The following ZNF618 variants were observed in gnomAD, a reference collection of about 807,000 sequenced individuals.
The protein encoded by ZNF618 is neural precursor cell expressed, developmentally down-regulated 10.
Under a neutral mutation model 103.0 loss-of-function variants are expected in ZNF618, and 34 were observed. The observed-to-expected ratio is 0.33, with a 90% confidence interval of 0.25 to 0.44. ZNF618 has a LOEUF of 0.44. Ranked by LOEUF, ZNF618 falls within the 20% of genes least tolerant of loss-of-function variation. The probability of loss-of-function intolerance (pLI) is 1.00; values close to 1 mark genes in which losing one functional copy is unlikely to be tolerated. For missense variants in ZNF618, 1,059 were observed against 1,295.4 expected, an observed-to-expected ratio of 0.82 and a Z score of 2.80; for synonymous variants, 551 against 542.2, an observed-to-expected ratio of 1.02 and a Z score of -0.23.
chr9:113,922,868 A>G (rs1355377049), intron 1 of ZNF618, among the ~76,000 whole-genome samples: 1 of 152,210 alleles, frequency 6.6e-6, no homozygotes, highest in Non-Finnish European at 1.5e-5. Context: ...TTGGGATTGT[A>G]TCAAATCTTT....
intron 1 of ZNF618, among the ~76,000 whole-genome samples, chr9:113,892,135 C>A (rs748802564): frequency 2.6e-5 from 4 of 152,170 alleles, no homozygotes; most frequent in Non-Finnish European, 4.4e-5. Flanking sequence ...TTGTAGAGAT[C>A]TGTTGCACGA....
intron 10 of ZNF618, among the ~76,000 whole-genome samples, chr9:114,017,295 T>C (rs1842728818): frequency 6.6e-6 from 1 of 152,130 alleles, no homozygotes; most frequent in South Asian, 2.1e-4. Context: ...CCCTGGCTGT[T>C]AATCCCAGCT....
intron 2 of ZNF618, among the ~76,000 whole-genome samples, chr9:113,986,494 C>G (rs1437786733): frequency 6.6e-6 from 1 of 152,170 alleles, no homozygotes; most frequent in Non-Finnish European, 1.5e-5. Context: ...GATTAGGTTG[C>G]CAGCACGGTT....
At chr9:113,994,246 G>T (rs1011752316) in intron 3 of ZNF618, among the ~76,000 whole-genome samples, 2 of 152,246 alleles carry the variant, frequency 1.3e-5, no homozygotes, top group African/African-American at 2.4e-5. Flanking sequence ...ACACAGCCAC[G>T]TGGGTTTCAG....
chr9:113,938,266 T>C (rs1834212504), intron 1 of ZNF618, among the ~76,000 whole-genome samples: 1 of 144,770 alleles, frequency 6.9e-6, no homozygotes, highest in Admixed American at 7.3e-5. Flanking sequence ...ATCAAACTCC[T>C]GGTCTCCAGT....
intron 9 of ZNF618, among the ~76,000 whole-genome samples, chr9:114,010,564 C>T (rs985931111): frequency 2.0e-5 from 3 of 151,184 alleles, no homozygotes; most frequent in Admixed American, 1.3e-4. Flanking sequence ...ATTAGCCGGG[C>T]GTGGTGGCAT....
Position 113,918,913 on chromosome 9 carries a change from A to G in ZNF618, c.33+42500A>G, listed in dbSNP as rs10982005. Among the ~76,000 whole-genome samples the G allele has an allele frequency of 4.5e-3, 690 of 152,300 alleles. 4 individuals carry two copies. Among genetic ancestry groups the G allele is most frequent in the Middle Eastern group, 0.01 (3 of 294 alleles). ...GTCTGGCACGTTGTGGAGTCACAGT[A>G]AATAAATTTGGTGTGAATGAACGAA... is the stretch of plus-strand genomic sequence containing the variant. On this transcript the variant is annotated intron_variant, in intron 1 of 14. Coordinates refer to ENST00000374126, the MANE Select transcript of ZNF618 (RefSeq NM_001318042.2).
chr9:113,936,062 C>T (rs1033917251), intron 1 of ZNF618, among the ~76,000 whole-genome samples: 1 of 152,158 alleles, frequency 6.6e-6, no homozygotes, highest in South Asian at 2.1e-4. Flanking sequence ...TCATGTGATC[C>T]TCCTGCTTCA....
intron 6 of ZNF618, among the ~76,000 whole-genome samples, chr9:114,004,663 G>A (rs1841576832): frequency 6.6e-6 from 1 of 152,060 alleles, no homozygotes; most frequent in Non-Finnish European, 1.5e-5. Flanking sequence ...TCTCAGTCCT[G>A]CAGCCCTGCC....
intron 1 of ZNF618, among the ~76,000 whole-genome samples, chr9:113,935,589 C>G (rs1290635369): frequency 6.6e-6 from 1 of 152,146 alleles, no homozygotes; most frequent in African/African-American, 2.4e-5. Context: ...TGAATTTGTT[C>G]CTCCTGCTGG....
chr9:114,000,936 T>C (rs1841135383), intron 4 of ZNF618, among the ~76,000 whole-genome samples: 1 of 152,206 alleles, frequency 6.6e-6, no homozygotes, highest in East Asian at 1.9e-4. Context: ...GACCTTGGAA[T>C]AGGCAGGTCT....
At chr9:113,967,409 AT>A (rs1837516485) in intron 1 of ZNF618, among the ~76,000 whole-genome samples, 1 of 152,070 alleles carries the variant, frequency 6.6e-6, no homozygotes, top group South Asian at 2.1e-4. Context: ...CAGCTCATTA[AT>A]TTCTTCCTCC....
chr9:114,042,073 A>G (rs925430779), intron 13 of ZNF618, among the ~76,000 whole-genome samples: 1 of 152,174 alleles, frequency 6.6e-6, no homozygotes, highest in African/African-American at 2.4e-5. Context: ...TCCTAGAAAT[A>G]CCAAGGCTAT....
chr9:114,050,444 A>T lies in ZNF618; in HGVS notation c.*277A>T, dbSNP rs183373740. On this transcript the variant is annotated 3_prime_UTR_variant, in exon 15 of 15. Transcript: ENST00000374126. ...GGCCAGAGAAACTTTGCACACACGC[A>T]CACACACACACACACACACACACAC... is the stretch of plus-strand genomic sequence containing the variant. 3.5e-5 allele frequency: 4 copies of T among 114,948 alleles called. No individual in the cohort carries two copies. The highest frequency in any genetic ancestry group is 3.4e-5 in the Non-Finnish European group (2 of 58,370). 7.1% of individuals were successfully genotyped at this position (114,948 alleles called of 1,614,324 possible).
chr9:113,994,948 C>T (rs867249095), intron 3 of ZNF618, among the ~76,000 whole-genome samples: 1 of 150,184 alleles, frequency 6.7e-6, no homozygotes, highest in African/African-American at 2.4e-5. Flanking sequence ...AAAAAGGTGG[C>T]ATTTTGGAAA....
intron 1 of ZNF618, among the ~76,000 whole-genome samples, chr9:113,888,837 A>G (rs950005132): frequency 6.6e-6 from 1 of 152,198 alleles, no homozygotes; most frequent in Non-Finnish European, 1.5e-5. Flanking sequence ...AGTTAATCAG[A>G]GAATCAGAGG....
Position 113,910,949 on chromosome 9 carries a change from GC to G in ZNF618, c.33+34541del, listed in dbSNP as rs543075903. ...AGGTCCAAGTGATTCTCCTGCCTCA[GC>G]CCCCTGAGTAGCTGGGATTACAGGT... is the stretch of plus-strand genomic sequence containing the variant. On this transcript the variant is annotated intron_variant, in intron 1 of 14. Coordinates refer to ENST00000374126, the MANE Select transcript of ZNF618 (RefSeq NM_001318042.2). Among the ~76,000 whole-genome samples, 19 of 152,008 alleles carry G rather than the reference GC, an allele frequency of 1.2e-4. No individual in the cohort carries two copies. In the South Asian group the frequency reaches 1.9e-3, roughly 15 times the overall value.
In ZNF618 at chr9:114,048,699, G is replaced by C; in HGVS notation, c.1397G>C (p.Arg466Pro). The C allele has an allele frequency of 6.2e-7, 1 of 1,613,924 alleles. No homozygotes were observed. The highest frequency in any genetic ancestry group is 8.5e-7 in the Non-Finnish European group (1 of 1,179,866). The change falls in exon 15 of 15, where the codon CGG (arginine) becomes CCG (proline). Residue 466 changes from arginine to proline, a missense_variant. This residue lies in a region of ZNF618 where 434 missense variants were observed against 476.0 expected (regional missense o/e 0.91). Coordinates refer to ENST00000374126, the MANE Select transcript of ZNF618 (RefSeq NM_001318042.2). ...AACAGCATGATCCCCGAAAAGGAGC[G>C]GCAGAACATCGCAGAGCGGCTGTTG... The part of the protein sequence containing the change: ...TPNSMIPEKE[R>P]QNIAERLLRV...
In ZNF618 at chr9:113,914,706, G is replaced by A. The variant is rs1408371466; in HGVS notation, c.33+38293G>A. ...TAAAAACATCTTTTCTGTTCCAAAC[G>A]GGTGTAACAAGATAGAGAGGGCTGG... On this transcript the variant is annotated intron_variant, in intron 1 of 14. Coordinates refer to ENST00000374126, the MANE Select transcript of ZNF618 (RefSeq NM_001318042.2). Among the ~76,000 whole-genome samples the A allele has an allele frequency of 3.3e-5, 5 of 152,304 alleles. No homozygotes were observed. The South Asian group carries it at 6.2e-4, about 19-fold the overall frequency.
Sources: gnomAD v4.1 joint callset for allele counts (sites outside exome capture counted in the v4.1 genomes callset) on GRCh38, gnomAD v4.1.1 for gene constraint, gnomAD v4.1.1 regional missense constraint, MANE v1.5 for transcripts, NCBI Gene and HGNC (gene_info 2026-07-23, HGNC 2026-07-21) for gene names.